SH3BGRL2: variants seen among roughly 807,000 people sequenced by gnomAD.
The protein encoded by SH3BGRL2 is SH3 domain binding glutamate rich protein like 2.
In SH3BGRL2, 21 loss-of-function variants were observed where a neutral mutation model predicts 14.8. The ratio of observed to expected loss-of-function variants is 1.42; its 90% CI spans 1.01 to 2.05. SH3BGRL2 has a LOEUF of 2.05. SH3BGRL2 is among the 30% of genes most tolerant of loss of function. The pLI is 0.00. For missense variants in SH3BGRL2, 147 were observed against 130.8 expected (o/e 1.12, Z -0.61); for synonymous variants, 50 against 47.8 (o/e 1.05, Z -0.19).
At position 79,700,100 on chromosome 6, in the gene SH3BGRL2, A is replaced by G. The variant is rs146624708; in HGVS notation, c.*591A>G. On this transcript the variant is annotated 3_prime_UTR_variant, in exon 4 of 4. Transcript: ENST00000369838. ...TAGTAATGGAAACTCTTACCTCCAC[A>G]TATTATCCTACAGATGTTTCCAGAA... 9.2e-3 allele frequency: 1,399 copies of G among 152,396 alleles called. 10 individuals are homozygous for G. The highest frequency in any genetic ancestry group is 0.045 in the East Asian group (235 of 5,194). The allele number at this position is 152,396 out of a possible 1,614,324, so 9.4% of individuals were successfully genotyped here. A position where few individuals can be genotyped will look rare whatever the true frequency, so the allele number is the denominator to read the frequency against.
chr6:79,659,002 A>G (rs1389342874), intron 1 of SH3BGRL2, among the ~76,000 whole-genome samples: 2 of 151,920 alleles, frequency 1.3e-5, no homozygotes, highest in South Asian at 2.1e-4. Context: ...TTTTTCTTGT[A>G]AATTTGTTTA....
intron 1 of SH3BGRL2, among the ~76,000 whole-genome samples, chr6:79,663,177 G>A (rs1464469093): frequency 1.3e-5 from 2 of 152,164 alleles, no homozygotes; most frequent in Non-Finnish European, 2.9e-5. Flanking sequence ...TCTTTGTCCA[G>A]CTTTGTTCCA....
chr6:79,673,749 C>T lies in SH3BGRL2; in HGVS notation c.181C>T (p.Gln61Ter), dbSNP rs778281298. Residue 61 changes from glutamine (Q) to a stop codon, truncating the protein, a stop_gained, in exon 2 of 4, where the codon CAG becomes TAG. Transcript: ENST00000369838. LOFTEE classifies it high-confidence loss of function. ...CGTCCCCCCGGAAAAGAAACCCACTCAGGGCAACCCCCTGCCACCTCAGAT... is the reference window on the plus strand; with the variant it reads ...CGTCCCCCCGGAAAAGAAACCCACTTAGGGCAACCCCCTGCCACCTCAGAT... ...KNVPPEKKPTQGNPLPPQIFN... is the reference protein window; with the variant it reads ...KNVPPEKKPT The T allele has an allele frequency of 3.7e-6, 6 of 1,614,016 alleles. No individual in the cohort carries two copies.
At chr6:79,567,575 G>A in the SH3BGRL2 span, among the ~76,000 whole-genome samples, 156 of 152,148 alleles carry the variant, frequency 1.0e-3, no homozygotes, top group African/African-American at 3.7e-3. Flanking sequence ...AACAGTGCCT[G>A]GAAAATTCAT....
chr6:79,539,128 A>G, the SH3BGRL2 span, among the ~76,000 whole-genome samples: 1 of 152,212 alleles, frequency 6.6e-6, no homozygotes, highest in African/African-American at 2.4e-5. Context: ...TCACCCCCTC[A>G]TATTCAAAAT....
rs1012079937 is a variant in SH3BGRL2 at position 79,701,493 on chromosome 6, T to C, written c.*1984T>C. 2.0e-5 allele frequency: 3 copies of C among 152,160 alleles called. No homozygotes were observed. Among genetic ancestry groups the C allele is most frequent in the Non-Finnish European group, 4.4e-5 (3 of 68,024 alleles). The allele number at this position is 152,160 out of a possible 1,614,324, so 9.4% of individuals were successfully genotyped here. A position where few individuals can be genotyped will look rare whatever the true frequency, so the allele number is the denominator to read the frequency against. The stretch of plus-strand genomic sequence containing the variant: ...GACAAAGCTACCCAGATTTGTCTTA[T>C]ATTATAATTTTTGAGTTAACCGTAG... On this transcript the variant is annotated 3_prime_UTR_variant, in exon 4 of 4. Transcript: ENST00000369838.
At chr6:79,615,295 C>T in the SH3BGRL2 span, among the ~76,000 whole-genome samples, 3 of 152,152 alleles carry the variant, frequency 2.0e-5, no homozygotes, top group Non-Finnish European at 4.4e-5. Flanking sequence ...CTGGATTACA[C>T]CATAAGTTTA....
the SH3BGRL2 span, chr6:79,574,056 C>T: frequency 6.6e-6 from 1 of 152,078 alleles, no homozygotes; most frequent in Admixed American, 6.6e-5. Context: ...TAGTTCTTAG[C>T]TAGAACACCG....
In SH3BGRL2 at chr6:79,700,843, G is replaced by C. The variant is rs1349252249; in HGVS notation, c.*1334G>C. 6.6e-6 allele frequency: 1 copy of C among 151,968 alleles called. No individual in the cohort carries two copies. Among genetic ancestry groups the C allele is most frequent in the Non-Finnish European group, 1.5e-5 (1 of 68,002 alleles). The allele number at this position is 151,968 out of a possible 1,614,324, so 9.4% of individuals were successfully genotyped here. A position where few individuals can be genotyped will look rare whatever the true frequency, so the allele number is the denominator to read the frequency against. On this transcript the variant is annotated 3_prime_UTR_variant, in exon 4 of 4. Coordinates refer to ENST00000369838, the MANE Select transcript of SH3BGRL2 (RefSeq NM_031469.4). ...TAGAGTTTTAAATTGCCAAACATGG[G>C]AACAGCCTTGAATAGGATAAATTTT...
At chr6:79,673,470 A>AT (rs1228596979) in intron 1 of SH3BGRL2, 144 bp from the exon 2 acceptor site, 1 of 703,722 alleles carries the variant, frequency 1.4e-6, no homozygotes, top group African/African-American at 1.8e-5. Flanking sequence ...CTTCCACTGG[A>AT]TATCTAGTGA....
rs559259778 is a variant in SH3BGRL2 at position 79,652,953 on chromosome 6, A to G, written c.46-20661A>G. Among the ~76,000 whole-genome samples the G allele has an allele frequency of 2.0e-5, 3 of 152,272 alleles. No individual in the cohort carries two copies. The South Asian group carries it at 6.2e-4, about 32-fold the overall frequency. ...CATTAGGTAAATCAATGATAAATGT[A>G]TATAATGCAATACACTGTGCCACCT... On this transcript the variant is annotated intron_variant, in intron 1 of 3. Transcript: ENST00000369838.
chr6:79,614,391 G>T, the SH3BGRL2 span, among the ~76,000 whole-genome samples: 1 of 152,116 alleles, frequency 6.6e-6, no homozygotes, highest in African/African-American at 2.4e-5. Context: ...AGGAGAGCAA[G>T]CCTCCCTCTG....
At chr6:79,687,212 T>C (rs1342105934) in intron 2 of SH3BGRL2, among the ~76,000 whole-genome samples, 1 of 152,208 alleles carries the variant, frequency 6.6e-6, no homozygotes, top group Non-Finnish European at 1.5e-5. Flanking sequence ...TGCAAGCTCC[T>C]TGGGAAGGAC....
chr6:79,583,817 T>C, the SH3BGRL2 span, among the ~76,000 whole-genome samples: 1 of 152,226 alleles, frequency 6.6e-6, no homozygotes, highest in Non-Finnish European at 1.5e-5. Flanking sequence ...GGTTTATTTT[T>C]ATTACTTTCT....
intron 1 of SH3BGRL2, among the ~76,000 whole-genome samples, chr6:79,644,819 A>G (rs1431471124): frequency 6.6e-6 from 1 of 152,176 alleles, no homozygotes; most frequent in African/African-American, 2.4e-5. Flanking sequence ...TAAATGAGCT[A>G]TAAAGATTTA....
At chr6:79,556,518 G>C in the SH3BGRL2 span, among the ~76,000 whole-genome samples, 3 of 151,986 alleles carry the variant, frequency 2.0e-5, no homozygotes, top group African/African-American at 7.2e-5. Context: ...ACTGAATACT[G>C]ATAATTGTGC....
chr6:79,686,665 T>C (rs567571579), intron 2 of SH3BGRL2, among the ~76,000 whole-genome samples: 1 of 152,348 alleles, frequency 6.6e-6, no homozygotes, highest in East Asian at 1.9e-4. Flanking sequence ...TCTCCAAGGA[T>C]ATTAAAAAGC....
chr6:79,655,704 C>G lies in SH3BGRL2; in HGVS notation c.46-17910C>G, dbSNP rs150477786. On this transcript the variant is annotated intron_variant, in intron 1 of 3. Coordinates refer to ENST00000369838, the MANE Select transcript of SH3BGRL2 (RefSeq NM_031469.4). ...TTATATGATATGTGATCCTTTATGACTGACTTCTTTCTCTTAGCATGATCT... is the reference window on the plus strand; with the variant it reads ...TTATATGATATGTGATCCTTTATGAGTGACTTCTTTCTCTTAGCATGATCT... Among the ~76,000 whole-genome samples, 26 of 152,340 alleles carry G rather than the reference C, an allele frequency of 1.7e-4. 1 individual carries two copies. The East Asian group carries it at 5.0e-3, about 29-fold the overall frequency.
At chr6:79,619,316 T>C in the SH3BGRL2 span, among the ~76,000 whole-genome samples, 1 of 152,158 alleles carries the variant, frequency 6.6e-6, no homozygotes, top group East Asian at 1.9e-4. Flanking sequence ...TCTTCCCTGC[T>C]CTGTGCTTTG....
Sources: allele counts gnomAD v4.1 joint callset (sites outside exome capture counted in the v4.1 genomes callset), GRCh38; gene constraint gnomAD v4.1.1; transcripts MANE v1.5; gene names NCBI Gene and HGNC (gene_info 2026-07-23, HGNC 2026-07-21).